CFAP65: variants seen among roughly 807,000 people sequenced by gnomAD.
CFAP65 encodes the protein cilia and flagella associated protein 65, also known as cilia- and flagella-associated protein 65.
CFAP65 carries 155 observed loss-of-function variants against 208.0 expected under a neutral mutation model. That is an observed-to-expected ratio of 0.75 (90% confidence interval 0.65 to 0.85). The LOEUF (loss-of-function observed/expected upper bound fraction) is 0.85, where lower values mean the gene tolerates loss of function less well. Among genes scored for constraint, CFAP65 ranks in the 40% least tolerant of loss-of-function variants. The probability of loss-of-function intolerance (pLI) is 0.00; values close to 1 mark genes in which losing one functional copy is unlikely to be tolerated. For missense variants in CFAP65, 2,294 were observed against 2,451.3 expected (o/e 0.94, Z 1.36); for synonymous variants, 970 against 986.3 (o/e 0.98, Z 0.31).
At chr2:219,033,626 T>C (rs957660987) in intron 5 of CFAP65, 4 of 152,134 alleles carry the variant, frequency 2.6e-5, no homozygotes, top group African/African-American at 9.7e-5. Context: ...AGAAGAATAT[T>C]CCCATAATCT....
intron 21 of CFAP65, chr2:219,018,813 T>G: frequency 1.8e-6 from 1 of 562,906 alleles, no homozygotes; most frequent in South Asian, 2.3e-5. Flanking sequence ...ATGCCCAGGC[T>G]CCATCAGGGC....
At position 219,003,026 on chromosome 2, in the gene CFAP65, A is replaced by G; in HGVS notation, c.5694-5T>C. Reference sequence around the variant, plus strand: ...AGCGTGTCCGGGGTCAGACTCCTGGAAGACAAAAAGTCCCAGGTAGGCGTG... The same window carrying G: ...AGCGTGTCCGGGGTCAGACTCCTGGGAGACAAAAAGTCCCAGGTAGGCGTG... On this transcript the variant is annotated splice_region_variant and splice_polypyrimidine_tract_variant and intron_variant, in intron 34 of 34. Coordinates refer to ENST00000341552, the MANE Select transcript of CFAP65 (RefSeq NM_194302.4). This position sits in a 1 kb window ranked among gnomAD's most constrained non-coding sequence, Gnocchi z 4.4. 2 of 1,554,924 alleles carry G rather than the reference A, an allele frequency of 1.3e-6. No homozygotes were observed. The highest frequency in any genetic ancestry group is 4.8e-5 in the East Asian group (2 of 41,794).
chr2:219,023,116 C>A, intron 16 of CFAP65, 91 bp downstream of exon 16: 1 of 1,081,242 alleles, frequency 9.2e-7, no homozygotes. Flanking sequence ...GAATTGGGGG[C>A]TGCACATGGC....
chr2:219,025,871 C>T (rs1442817701), intron 14 of CFAP65, 151 bp downstream of exon 14: 2 of 946,698 alleles, frequency 2.1e-6, no homozygotes, highest in Admixed American at 4.9e-5. Flanking sequence ...GGCCCAGATA[C>T]CCAGAATTGG....
At chr2:219,028,598 G>A (rs906133594) in intron 11 of CFAP65, among the ~76,000 whole-genome samples, 197 bp from the exon 12 acceptor site, 5 of 152,070 alleles carry the variant, frequency 3.3e-5, no homozygotes, top group African/African-American at 1.2e-4. Context: ...GGGAAGGTCA[G>A]GAGAGAGCAC....
At chr2:219,035,011 G>C (rs1321838508) in intron 5 of CFAP65, 1 of 260,112 alleles carries the variant, frequency 3.8e-6, no homozygotes, top group African/African-American at 2.3e-5. Flanking sequence ...CTACTCCTGC[G>C]TCTATTCCCC....
In CFAP65 at chr2:219,009,091, C is replaced by A; in HGVS notation, c.4630G>T (p.Val1544Leu). 6.2e-7 allele frequency: 1 copy of A among 1,612,960 alleles called. No homozygotes were observed. The highest frequency in any genetic ancestry group is 1.3e-5 in the African/African-American group (1 of 75,062). Residue 1544 changes from valine (V) to leucine (L), a missense_variant, in exon 29 of 35, where the codon GTG (valine) becomes TTG (leucine). Val to Leu is a conservative substitution (Grantham distance 32). Coordinates refer to ENST00000341552, the MANE Select transcript of CFAP65 (RefSeq NM_194302.4). The stretch of plus-strand genomic sequence containing the variant: ...ATGGTGAACTCCACTTCCTGCCGCA[C>A]CTTCTCGTCCTTCCACTCCTGCAGC... Reference protein sequence around the residue: ...KELQEWKDEKVRQEVEFTITD... With the variant: ...KELQEWKDEKLRQEVEFTITD...
At chr2:219,014,878 G>A (rs1489935583) in intron 21 of CFAP65, 6 of 147,432 alleles carry the variant, frequency 4.1e-5, no homozygotes, top group African/African-American at 7.6e-5. Flanking sequence ...GAGAATGCGC[G>A]CAACAAACAC....
chr2:219,026,953 G>T (rs1947671836), intron 13 of CFAP65: 2 of 986,762 alleles, frequency 2.0e-6, no homozygotes, highest in Non-Finnish European at 1.2e-6. Context: ...GTTTAGAGAT[G>T]AAAAGATCAG....
intron 13 of CFAP65, chr2:219,026,929 G>A (rs896267442): frequency 2.0e-6 from 2 of 986,182 alleles, no homozygotes; most frequent in Non-Finnish European, 2.4e-6. Context: ...TCAAAAGATC[G>A]GACGTGGTCC....
chr2:219,011,057 T>G (rs981046853), intron 24 of CFAP65, 61 bp from the exon 25 acceptor site: 8 of 1,483,584 alleles, frequency 5.4e-6, no homozygotes, highest in Non-Finnish European at 6.4e-6. Flanking sequence ...TCAGAAAGCC[T>G]GGGATGCTGT....
intron 20 of CFAP65, 140 bp downstream of exon 20, chr2:219,019,366 A>G (rs960426402): frequency 6.1e-5 from 64 of 1,054,720 alleles, no homozygotes; most frequent in African/African-American, 8.0e-5. Context: ...CCCTCCAGGG[A>G]TGGGCGAGAA....
At chr2:219,028,048 AT>A in intron 12 of CFAP65, 39 bp from the exon 13 acceptor site, 1 of 1,521,236 alleles carries the variant, frequency 6.6e-7, no homozygotes, top group South Asian at 1.3e-5. Context: ...CTCAACTGCC[AT>A]TCCTCTTGCT....
Position 219,032,329 on chromosome 2 carries a change from G to A in CFAP65, c.645+141C>T. The A allele has an allele frequency of 1.5e-6, 1 of 656,844 alleles. No homozygotes were observed. Among genetic ancestry groups the A allele is most frequent in the African/African-American group, 1.8e-5 (1 of 55,134 alleles). 40.7% of individuals were successfully genotyped at this position (656,844 alleles called of 1,614,324 possible). ...GAGATGAGGGGCTAAGCCCTTGACG[G>A]GGCCTCCCAAGCTGGATTGCTGCTG... On this transcript the variant is annotated intron_variant, in intron 6 of 34. Coordinates refer to ENST00000341552, the MANE Select transcript of CFAP65 (RefSeq NM_194302.4). This position sits in a 1 kb window ranked among gnomAD's most constrained non-coding sequence, Gnocchi z 5.5.
At position 219,040,561 on chromosome 2, in the gene CFAP65, T is replaced by C; in HGVS notation, c.-45A>G. The stretch of plus-strand genomic sequence containing the variant: ...ACGTTCAGATGAAATCAAAGAAATG[T>C]AAGCTGAGGAGACACAGAGAGAGTC... On this transcript the variant is annotated 5_prime_UTR_variant, in exon 2 of 35. Coordinates refer to ENST00000341552, the MANE Select transcript of CFAP65 (RefSeq NM_194302.4). 1 of 1,551,286 alleles carries C rather than the reference T, an allele frequency of 6.4e-7. No homozygotes were observed. Among genetic ancestry groups the C allele is most frequent in the Non-Finnish European group, 8.7e-7 (1 of 1,146,448 alleles).
chr2:219,036,460 T>C lies in CFAP65; in HGVS notation c.358-796A>G, dbSNP rs73072417. Among the ~76,000 whole-genome samples, 482 of 151,616 alleles carry C rather than the reference T, an allele frequency of 3.2e-3. 4 individuals carry two copies. The highest frequency in any genetic ancestry group is 0.011 in the African/African-American group (434 of 41,300). ...GCATTTTATCTTTTTTTTTTTTTTTTAATTGTAAGAGTCTCGCTTTATCGC... is the reference window on the plus strand; with the variant it reads ...GCATTTTATCTTTTTTTTTTTTTTTCAATTGTAAGAGTCTCGCTTTATCGC... On this transcript the variant is annotated intron_variant, in intron 4 of 34. Coordinates refer to ENST00000341552, the MANE Select transcript of CFAP65 (RefSeq NM_194302.4).
In CFAP65 at chr2:219,010,942, C is replaced by T. The variant is rs769450768; in HGVS notation, c.4012G>A (p.Asp1338Asn). ...TTTTCCTGAACCTGTGACAGGACAT[C>T]GGTCTGGACCTCATATGTCACGGGC... ...SVPVTYEVQT[D>N]VLSQVQEKNF... Residue 1338 changes from aspartate (D) to asparagine (N), a missense_variant, in exon 25 of 35, where the codon GAT (aspartate) becomes AAT (asparagine). Around this residue, in one of 2 missense-constraint regions of CFAP65, gnomAD observed 1,427 missense variants for 1,438.7 expected, o/e 0.99. Transcript: ENST00000341552. 29 of 1,613,716 alleles carry T rather than the reference C, an allele frequency of 1.8e-5. No homozygotes were observed. The highest frequency in any genetic ancestry group is 1.4e-4 in the South Asian group (13 of 91,084).
intron 24 of CFAP65, among the ~76,000 whole-genome samples, chr2:219,012,368 C>G (rs143042370): frequency 6.6e-6 from 1 of 152,180 alleles, no homozygotes; most frequent in Non-Finnish European, 1.5e-5. Flanking sequence ...ACTATGTATT[C>G]CCAGTAGCTC....
chr2:219,025,911 G>T, intron 14 of CFAP65, 111 bp downstream of exon 14: 1 of 1,353,712 alleles, frequency 7.4e-7, no homozygotes, highest in South Asian at 1.3e-5. Context: ...GCCAGGGAGG[G>T]TGCAAAGATG....
Sources: allele counts gnomAD v4.1 joint callset (sites outside exome capture counted in the v4.1 genomes callset), GRCh38; gene constraint gnomAD v4.1.1; regional missense constraint gnomAD v4.1.1; non-coding constraint Gnocchi (gnomAD v3.1); transcripts MANE v1.5; gene names NCBI Gene and HGNC (gene_info 2026-07-23, HGNC 2026-07-21).